KCNMA1: variants seen among roughly 807,000 people sequenced by gnomAD.
The protein encoded by KCNMA1 is Calcium-activated potassium channel subunit alpha-1.
KCNMA1 carries 29 observed loss-of-function variants against 140.0 expected under a neutral mutation model. The ratio of observed to expected loss-of-function variants is 0.21; its 90% CI spans 0.15 to 0.28. The LOEUF is 0.28. KCNMA1 is among the 10% of genes least tolerant of loss of function. The probability of loss-of-function intolerance (pLI) is 1.00; values close to 1 mark genes in which losing one functional copy is unlikely to be tolerated. For missense variants in KCNMA1, 880 were observed against 1,602.2 expected (o/e 0.55, Z 7.70); for synonymous variants, 612 against 611.9 (o/e 1.00, Z 0.00).
intron 23 of KCNMA1, among the ~76,000 whole-genome samples, chr10:76,928,476 T>C (rs2058398158): frequency 6.6e-6 from 1 of 152,140 alleles, no homozygotes; most frequent in South Asian, 2.1e-4. Context: ...GAATGGTATC[T>C]TATTCTTTAA....
intron 4 of KCNMA1, among the ~76,000 whole-genome samples, chr10:77,183,754 T>C (rs1357847808): frequency 6.6e-6 from 1 of 152,148 alleles, no homozygotes; most frequent in Non-Finnish European, 1.5e-5. Context: ...CCCAAAGTGC[T>C]GGGATTACAG....
chr10:77,238,128 T>C (rs1478365881), intron 3 of KCNMA1, among the ~76,000 whole-genome samples: 1 of 152,228 alleles, frequency 6.6e-6, no homozygotes. Flanking sequence ...CTCCTTGTGC[T>C]GAAGCTCCTC....
At chr10:77,346,527 A>G (rs1047555154) in intron 2 of KCNMA1, among the ~76,000 whole-genome samples, 6 of 152,224 alleles carry the variant, frequency 3.9e-5, no homozygotes, top group Non-Finnish European at 8.8e-5. Context: ...GATTAGAAAC[A>G]AATTCAAATG....
chr10:77,438,659 T>C (rs907321160), intron 1 of KCNMA1, among the ~76,000 whole-genome samples: 2 of 152,014 alleles, frequency 1.3e-5, no homozygotes, highest in African/African-American at 4.8e-5. Flanking sequence ...ATGAGGAAAC[T>C]GAGGCTCAGA....
At chr10:77,394,889 A>G (rs1025858757) in intron 2 of KCNMA1, among the ~76,000 whole-genome samples, 3 of 152,180 alleles carry the variant, frequency 2.0e-5, no homozygotes, top group Non-Finnish European at 4.4e-5. Flanking sequence ...GACTCCGGAT[A>G]CTACTCAACT....
chr10:77,248,751 AT>A (rs571941776), intron 3 of KCNMA1, among the ~76,000 whole-genome samples: 1 of 152,068 alleles, frequency 6.6e-6, no homozygotes, highest in Admixed American at 6.6e-5. Flanking sequence ...CTCGATTATA[AT>A]TTTTTAATAG....
chr10:76,970,482 T>C (rs937748046), intron 19 of KCNMA1: 6 of 231,630 alleles, frequency 2.6e-5, no homozygotes, highest in Admixed American at 5.2e-5. Context: ...GTATTTGAAA[T>C]GTCAGCATAA....
intron 16 of KCNMA1, among the ~76,000 whole-genome samples, chr10:77,023,943 C>T (rs1415968291): frequency 6.6e-6 from 1 of 152,178 alleles, no homozygotes; most frequent in Admixed American, 6.5e-5. Flanking sequence ...AAATGACTGC[C>T]ACTGTGGTCC....
intron 20 of KCNMA1, among the ~76,000 whole-genome samples, chr10:76,955,877 T>G (rs2068064116): frequency 6.6e-6 from 1 of 152,134 alleles, no homozygotes; most frequent in African/African-American, 2.4e-5. Flanking sequence ...AGAACATATT[T>G]CAGTTGCAAG....
At chr10:77,492,800 C>T (rs190372910) in intron 1 of KCNMA1, among the ~76,000 whole-genome samples, 97 of 152,258 alleles carry the variant, frequency 6.4e-4, no homozygotes, top group African/African-American at 2.3e-3. Flanking sequence ...TAAGAGTCCT[C>T]GCTTGTATGG....
At chr10:77,358,453 A>C (rs2154397679) in intron 2 of KCNMA1, among the ~76,000 whole-genome samples, 1 of 151,468 alleles carries the variant, frequency 6.6e-6, no homozygotes, top group Admixed American at 6.6e-5. Context: ...ATACCTCCCC[A>C]CTCCCTCCAC....
intron 2 of KCNMA1, among the ~76,000 whole-genome samples, chr10:77,340,945 T>G (rs539441923): frequency 6.6e-6 from 1 of 151,536 alleles, no homozygotes; most frequent in Non-Finnish European, 1.5e-5. Flanking sequence ...TATAAACACA[T>G]CTGTACTACA....
intron 2 of KCNMA1, among the ~76,000 whole-genome samples, chr10:77,387,871 G>T (rs575873768): frequency 5.3e-5 from 8 of 152,242 alleles, no homozygotes; most frequent in African/African-American, 1.9e-4. Flanking sequence ...ACCTGCCTTG[G>T]CCTCCCAAAG....
At chr10:77,015,972 C>A (rs540312505) in intron 17 of KCNMA1, among the ~76,000 whole-genome samples, 2 of 152,270 alleles carry the variant, frequency 1.3e-5, no homozygotes, top group Admixed American at 6.5e-5. Context: ...GGAAGAATGA[C>A]CTTTTCAAAA....
chr10:77,509,100 T>TG (rs57581002), intron 1 of KCNMA1, among the ~76,000 whole-genome samples: 5,984 of 79,726 alleles, frequency 0.075, 377 homozygotes, highest in African/African-American at 0.24. Flanking sequence ...TTTTGTTGGG[T>TG]TTTGTTGTTG....
At position 77,311,409 on chromosome 10, in the gene KCNMA1, G is replaced by A. The variant is rs188862706; in HGVS notation, c.541-60153C>T. 2.1e-3 allele frequency among the ~76,000 whole-genome samples: 317 copies of A among 152,088 alleles called. 2 individuals carry two copies. The highest frequency in any genetic ancestry group is 7.1e-3 in the African/African-American group (296 of 41,496). Reference sequence around the variant, plus strand: ...AGATGCTCCCTCCTCCCTGCTTCTCGGCACCAGGGAAGGACAAGGAAACCC... The same window carrying A: ...AGATGCTCCCTCCTCCCTGCTTCTCAGCACCAGGGAAGGACAAGGAAACCC... On this transcript the variant is annotated intron_variant, in intron 2 of 27. Coordinates refer to ENST00000286628, the MANE Select transcript of KCNMA1 (RefSeq NM_001161352.2).
intron 2 of KCNMA1, among the ~76,000 whole-genome samples, chr10:77,278,592 G>T (rs2067381137): frequency 6.6e-6 from 1 of 152,134 alleles, no homozygotes; most frequent in Non-Finnish European, 1.5e-5. Context: ...CTCAACCCAG[G>T]ACTATGGAAA....
At chr10:77,636,106 A>G (rs866628308) in intron 1 of KCNMA1, 70 of 823,472 alleles carry the variant, frequency 8.5e-5, no homozygotes, top group South Asian at 6.8e-4. Context: ...ACCCTGCACT[A>G]TTCCCCTGGA....
chr10:76,989,272 T>C (rs2082103081), intron 19 of KCNMA1, among the ~76,000 whole-genome samples: 1 of 152,142 alleles, frequency 6.6e-6, no homozygotes, highest in Non-Finnish European at 1.5e-5. Context: ...GCTCTTTCGG[T>C]GTGTCCCTGT....
Sources: allele counts gnomAD v4.1 joint callset (sites outside exome capture counted in the v4.1 genomes callset), GRCh38; gene constraint gnomAD v4.1.1; transcripts MANE v1.5; gene names NCBI Gene and HGNC (gene_info 2026-07-23, HGNC 2026-07-21).